Variants in FAM227B observed in about 807,000 individuals in gnomAD.
FAM227B encodes the protein family with sequence similarity 227 member B, also known as protein FAM227B.
In FAM227B, 88 loss-of-function variants were observed where a neutral mutation model predicts 73.8. That is an observed-to-expected ratio of 1.19 (90% CI 1.00 to 1.42). The LOEUF (loss-of-function observed/expected upper bound fraction) is 1.42. FAM227B is among the 40% of genes most tolerant of loss of function. The pLI is 0.00. For synonymous variants in FAM227B, 210 were observed against 190.5 expected, an observed-to-expected ratio of 1.10 and a Z score of -0.84; for missense variants, 632 against 590.9, an observed-to-expected ratio of 1.07 and a Z score of -0.72.
chr15:49,392,630 T>C (rs1461469965), intron 11 of FAM227B, among the ~76,000 whole-genome samples: 2 of 152,190 alleles, frequency 1.3e-5, no homozygotes, highest in East Asian at 1.9e-4. Flanking sequence ...ATGGAGTGGT[T>C]ATCCAAGTGT....
At chr15:49,557,226 C>G (rs1413197502) in intron 9 of FAM227B, among the ~76,000 whole-genome samples, 1 of 152,094 alleles carries the variant, frequency 6.6e-6, no homozygotes, top group Non-Finnish European at 1.5e-5. Context: ...TTATTATTTA[C>G]TTTATGAAAT....
intron 9 of FAM227B, among the ~76,000 whole-genome samples, chr15:49,562,445 G>T (rs748853146): frequency 2.0e-5 from 3 of 151,714 alleles, no homozygotes; most frequent in Non-Finnish European, 4.4e-5. Flanking sequence ...ACCAACCCTA[G>T]TTAAACTATT....
chr15:49,471,740 A>T (rs1448931836), intron 11 of FAM227B, among the ~76,000 whole-genome samples: 1 of 152,090 alleles, frequency 6.6e-6, no homozygotes, highest in Non-Finnish European at 1.5e-5. Context: ...GCTAGCTGAC[A>T]TTAGGTAATT....
chr15:49,549,656 A>ATGATCTGTG (rs2152300974), intron 9 of FAM227B, among the ~76,000 whole-genome samples: 1 of 152,072 alleles, frequency 6.6e-6, no homozygotes, highest in Admixed American at 6.5e-5. Flanking sequence ...GTAAGGTCAC[A>ATGATCTGTG]GATCAACAGG....
chr15:49,551,208 T>C (rs1026730993), intron 9 of FAM227B, among the ~76,000 whole-genome samples: 6 of 151,762 alleles, frequency 4.0e-5, no homozygotes, highest in African/African-American at 1.2e-4. Flanking sequence ...GGCAGGGAGG[T>C]TGCAGTGGGC....
At chr15:49,473,372 T>C (rs1384715952) in intron 11 of FAM227B, among the ~76,000 whole-genome samples, 1 of 152,300 alleles carries the variant, frequency 6.6e-6, no homozygotes, top group East Asian at 1.9e-4. Flanking sequence ...GAGTTAAATA[T>C]AAGTTATTAG....
At chr15:49,341,854 G>C (rs1419014563) in intron 13 of FAM227B, among the ~76,000 whole-genome samples, 1 of 152,080 alleles carries the variant, frequency 6.6e-6, no homozygotes, top group Non-Finnish European at 1.5e-5. Flanking sequence ...TGTGGTTTTG[G>C]GAAATCTTTT....
intron 13 of FAM227B, among the ~76,000 whole-genome samples, chr15:49,352,428 A>C (rs963028796): frequency 3.3e-5 from 5 of 152,198 alleles, no homozygotes; most frequent in South Asian, 2.1e-4. Flanking sequence ...CATAGGACTT[A>C]TGTTAAGTAA....
chr15:49,403,188 T>C (rs997635248), intron 11 of FAM227B, among the ~76,000 whole-genome samples: 2 of 152,168 alleles, frequency 1.3e-5, no homozygotes, highest in Non-Finnish European at 2.9e-5. Flanking sequence ...TGCCAGTATT[T>C]GGTTGAGGAT....
chr15:49,406,503 G>A (rs1363150590), intron 11 of FAM227B, among the ~76,000 whole-genome samples: 1 of 151,982 alleles, frequency 6.6e-6, no homozygotes, highest in Non-Finnish European at 1.5e-5. Context: ...ACTCAGGGTG[G>A]GGGAGGGTCT....
intron 9 of FAM227B, among the ~76,000 whole-genome samples, chr15:49,546,499 G>A (rs2071911137): frequency 6.6e-6 from 1 of 152,138 alleles, no homozygotes; most frequent in Admixed American, 6.5e-5. Context: ...GGGTCAAATG[G>A]TATTTCTAGT....
At chr15:49,372,901 G>C (rs2045938244) in intron 11 of FAM227B, among the ~76,000 whole-genome samples, 1 of 151,972 alleles carries the variant, frequency 6.6e-6, no homozygotes. Context: ...AAATACTAAA[G>C]GCAGGTAAGC....
At chr15:49,404,629 T>A (rs1433260453) in intron 11 of FAM227B, among the ~76,000 whole-genome samples, 4 of 152,150 alleles carry the variant, frequency 2.6e-5, no homozygotes, top group Non-Finnish European at 5.9e-5. Flanking sequence ...TTTTTCTCCA[T>A]CCCTTTACTT....
chr15:49,540,941 G>C (rs1398440349), intron 10 of FAM227B, among the ~76,000 whole-genome samples: 1 of 151,982 alleles, frequency 6.6e-6, no homozygotes, highest in Non-Finnish European at 1.5e-5. Flanking sequence ...CCTCTCAAAG[G>C]CTCCCTCCAT....
chr15:49,551,901 ACT>A (rs1470496596), intron 9 of FAM227B, among the ~76,000 whole-genome samples: 3 of 151,558 alleles, frequency 2.0e-5, no homozygotes, highest in East Asian at 1.9e-4. Context: ...CCACTTTTTA[ACT>A]CTTTGTTGTT....
At chr15:49,540,935 T>C (rs1168391011) in intron 10 of FAM227B, among the ~76,000 whole-genome samples, 1 of 152,162 alleles carries the variant, frequency 6.6e-6, no homozygotes, top group Non-Finnish European at 1.5e-5. Context: ...TCTTTACCTC[T>C]CAAAGGCTCC....
chr15:49,350,765 G>A (rs1277666962), intron 13 of FAM227B, among the ~76,000 whole-genome samples: 1 of 152,120 alleles, frequency 6.6e-6, no homozygotes, highest in East Asian at 1.9e-4. Context: ...TTGCTCCAAG[G>A]TGAATATGAC....
At chr15:49,329,267 G>A (rs1457040004) in intron 15 of FAM227B, 1 of 985,308 alleles carries the variant, frequency 1.0e-6, no homozygotes, top group African/African-American at 1.7e-5. Context: ...GAAATGTTTG[G>A]CTGGTGATGG....
chr15:49,376,055 C>T (rs1444062994), intron 11 of FAM227B, among the ~76,000 whole-genome samples: 3 of 151,952 alleles, frequency 2.0e-5, no homozygotes, highest in Non-Finnish European at 4.4e-5. Flanking sequence ...AACCATGTTT[C>T]CACAGTTCCA....
Sources: allele counts gnomAD v4.1 joint callset (sites outside exome capture counted in the v4.1 genomes callset), GRCh38; gene constraint gnomAD v4.1.1; transcripts MANE v1.5; gene names NCBI Gene and HGNC (gene_info 2026-07-23, HGNC 2026-07-21).